The following PTDSS1 variants were observed in gnomAD, a reference collection of about 807,000 sequenced individuals.
The protein encoded by PTDSS1 is PSS-1.
A neutral mutation model predicts 70.5 loss-of-function variants in PTDSS1; 45 were observed. That is an observed-to-expected ratio of 0.64 (90% CI 0.50 to 0.82). The LOEUF (loss-of-function observed/expected upper bound fraction) is 0.82, where lower values mean the gene tolerates loss of function less well. Ranked by LOEUF, PTDSS1 falls within the 40% of genes least tolerant of loss-of-function variation. The pLI is 0.00. For synonymous variants in PTDSS1, 188 were observed against 203.8 expected, an observed-to-expected ratio of 0.92 and a Z score of 0.66; for missense variants, 417 against 586.1, an observed-to-expected ratio of 0.71 and a Z score of 2.98.
intron 10 of PTDSS1, among the ~76,000 whole-genome samples, chr8:96,327,551 G>T (rs1294501487): frequency 1.3e-5 from 2 of 152,246 alleles, no homozygotes; most frequent in South Asian, 4.1e-4. Flanking sequence ...CAATAAGAGA[G>T]CTTCAAGTTA....
Position 96,273,791 on chromosome 8 carries a change from AG to A in PTDSS1, c.271+404del, listed in dbSNP as rs1317651567. Among the ~76,000 whole-genome samples, 3 of 152,350 alleles carry A rather than the reference AG, an allele frequency of 2.0e-5. No homozygotes were observed. In the East Asian group the frequency reaches 5.8e-4, roughly 29 times the overall value. On this transcript the variant is annotated intron_variant, in intron 2 of 12. Transcript: ENST00000517309. ...TGAGTTCTTCCTTTTTGCTAAGGAC[AG>A]GGTCAATGCTGTAATGAGTATTACT...
chr8:96,261,998 G>C lies in PTDSS1; in HGVS notation c.-43G>C. 6.3e-7 allele frequency: 1 copy of C among 1,584,358 alleles called. No individual in the cohort carries two copies. The highest frequency in any genetic ancestry group is 2.3e-5 in the East Asian group (1 of 43,890). On this transcript the variant is annotated 5_prime_UTR_variant, in exon 1 of 13. Coordinates refer to ENST00000517309, the MANE Select transcript of PTDSS1 (RefSeq NM_014754.3). ...TCACCCCCGGGGTCCCGGCCTTCTC[G>C]GGCTGGGGCCGCCGCCACCGCGGCA...
intron 2 of PTDSS1, among the ~76,000 whole-genome samples, chr8:96,277,012 A>ACC (rs1491077282): frequency 2.7e-5 from 4 of 146,170 alleles, no homozygotes; most frequent in African/African-American, 9.9e-5. Context: ...ACACACACAC[A>ACC]CCACCATTCA....
At chr8:96,287,448 C>A in intron 4 of PTDSS1, 1 of 329,736 alleles carries the variant, frequency 3.0e-6, no homozygotes, top group African/African-American at 2.1e-5. Context: ...GGGCAAAGTA[C>A]TTGTCAGATT....
chr8:96,295,710 T>C (rs1445559748), intron 5 of PTDSS1, among the ~76,000 whole-genome samples: 1 of 152,186 alleles, frequency 6.6e-6, no homozygotes, highest in Non-Finnish European at 1.5e-5. Context: ...ATGTCAGTAA[T>C]CAAAAGTTTG....
At position 96,273,388 on chromosome 8, in the gene PTDSS1, A is replaced by T; in HGVS notation, c.269A>T (p.Asn90Ile). The T allele has an allele frequency of 6.2e-7, 1 of 1,602,828 alleles. No homozygotes were observed. Among genetic ancestry groups the T allele is most frequent in the Non-Finnish European group, 8.5e-7 (1 of 1,173,172 alleles). The change falls in exon 2 of 13, where the codon AAT (asparagine) becomes ATT (isoleucine). Residue 90 changes from asparagine to isoleucine, a missense_variant and splice_region_variant. Physicochemically the swap from Asn to Ile is moderately radical, Grantham distance 149. Coordinates refer to ENST00000517309, the MANE Select transcript of PTDSS1 (RefSeq NM_014754.3). ...ATCATCAGTGTGTTAGCTTTCCCCA[A>T]TGGTAAGTAATGTCATGCATTACCA... ...FLIISVLAFPNGPFTRPHPAL... is the reference protein window; with the variant it reads ...FLIISVLAFPIGPFTRPHPAL...
chr8:96,268,512 G>A (rs1268378987), intron 1 of PTDSS1, among the ~76,000 whole-genome samples: 1 of 152,146 alleles, frequency 6.6e-6, no homozygotes, highest in Non-Finnish European at 1.5e-5. Flanking sequence ...AAGATTGTAG[G>A]CAAGTGAATG....
intron 1 of PTDSS1, among the ~76,000 whole-genome samples, chr8:96,264,328 C>T (rs575550097): frequency 5.8e-4 from 89 of 152,320 alleles, no homozygotes; most frequent in South Asian, 1.2e-3. Context: ...TAGCTCAGTG[C>T]ATGGCAAGTA....
intron 2 of PTDSS1, among the ~76,000 whole-genome samples, chr8:96,280,272 A>G (rs758516681): frequency 7.2e-5 from 11 of 152,180 alleles, no homozygotes; most frequent in Non-Finnish European, 1.0e-4. Flanking sequence ...CTGTAATCTC[A>G]GCACTTTGGG....
intron 4 of PTDSS1, among the ~76,000 whole-genome samples, chr8:96,288,499 AT>A (rs1810855005): frequency 6.6e-6 from 1 of 151,348 alleles, no homozygotes; most frequent in Admixed American, 6.6e-5. Context: ...TAACTTTTGT[AT>A]TTTTAGTAGA....
Position 96,320,342 on chromosome 8 carries a change from CG to C in PTDSS1, c.1171del (p.Val391TrpfsTer12). 6.2e-7 allele frequency: 1 copy of C among 1,601,348 alleles called. No individual in the cohort carries two copies. Among genetic ancestry groups the C allele is most frequent in the Non-Finnish European group, 8.6e-7 (1 of 1,168,488 alleles). ...ILYVVLWLLC[V>X]AFTTFLCLYG... ...TCTATGTTGTGCTTTGGCTTCTTTG[CG>C]TGGTAAGTCACTGCATTTTACCCAA... On this transcript the variant is annotated frameshift_variant and splice_region_variant, in exon 10 of 13. Transcript: ENST00000517309. LOFTEE classifies it high-confidence loss of function.
intron 4 of PTDSS1, among the ~76,000 whole-genome samples, chr8:96,291,868 G>T (rs181181905): frequency 6.6e-6 from 1 of 152,286 alleles, no homozygotes; most frequent in African/African-American, 2.4e-5. Flanking sequence ...ACACTAGGAG[G>T]CACACAGTGT....
chr8:96,312,851 C>A (rs1190864957), intron 9 of PTDSS1, among the ~76,000 whole-genome samples: 1 of 152,206 alleles, frequency 6.6e-6, no homozygotes, highest in Non-Finnish European at 1.5e-5. Context: ...CTTCCTCTGC[C>A]CCAGCTCTAC....
At chr8:96,277,683 G>A (rs1810668262) in intron 2 of PTDSS1, among the ~76,000 whole-genome samples, 1 of 152,224 alleles carries the variant, frequency 6.6e-6, no homozygotes, top group African/African-American at 2.4e-5. Flanking sequence ...GCACGGCTGT[G>A]TATAGGCCAA....
rs1475646248 is a variant in PTDSS1 at position 96,312,389 on chromosome 8, G to A, written c.1073+2767G>A. 2.0e-5 allele frequency among the ~76,000 whole-genome samples: 3 copies of A among 151,978 alleles called. No individual in the cohort carries two copies. In the East Asian group the frequency reaches 5.8e-4, roughly 29 times the overall value. Reference sequence around the variant, plus strand: ...CACTTGAACCCAGGATGTCAAGGAGGTCAAGCCTGCATTGAGCTATGATTG... The same window carrying A: ...CACTTGAACCCAGGATGTCAAGGAGATCAAGCCTGCATTGAGCTATGATTG... On this transcript the variant is annotated intron_variant, in intron 9 of 12. Transcript: ENST00000517309.
chr8:96,328,197 T>A (rs528260517), intron 10 of PTDSS1, among the ~76,000 whole-genome samples: 3 of 151,870 alleles, frequency 2.0e-5, no homozygotes, highest in Admixed American at 6.6e-5. Context: ...GCAATGACAG[T>A]CTAGTTGAGG....
chr8:96,283,432 T>G (rs116037868), intron 2 of PTDSS1, among the ~76,000 whole-genome samples: 124 of 152,336 alleles, frequency 8.1e-4, no homozygotes, highest in African/African-American at 2.6e-3. Context: ...AGAGAAAGTA[T>G]TGGCCTATCA....
intron 7 of PTDSS1, among the ~76,000 whole-genome samples, chr8:96,305,643 G>A (rs535968934): frequency 4.7e-4 from 71 of 152,254 alleles, no homozygotes; most frequent in Admixed American, 3.5e-3. Context: ...TGTGCTGCAC[G>A]AGTCCATCGT....
At chr8:96,328,403 C>T (rs1811468529) in intron 10 of PTDSS1, among the ~76,000 whole-genome samples, 1 of 152,220 alleles carries the variant, frequency 6.6e-6, no homozygotes, top group Non-Finnish European at 1.5e-5. Flanking sequence ...GTTGGTATAT[C>T]TAAGAAATCT....
Sources: gnomAD v4.1 joint callset for allele counts (sites outside exome capture counted in the v4.1 genomes callset) on GRCh38, gnomAD v4.1.1 for gene constraint, MANE v1.5 for transcripts, NCBI Gene and HGNC (gene_info 2026-07-23, HGNC 2026-07-21) for gene names.